The following PRKG1 variants were observed in gnomAD, a reference collection of about 807,000 sequenced individuals.
PRKG1 encodes the protein protein kinase cGMP-dependent 1, also known as cGMP-dependent protein kinase 1.
Under a neutral mutation model 88.1 loss-of-function variants are expected in PRKG1, and 35 were observed. The ratio of observed to expected loss-of-function variants is 0.40; its 90% CI spans 0.30 to 0.53. The LOEUF (loss-of-function observed/expected upper bound fraction) is 0.53, where lower values mean the gene tolerates loss of function less well. Among genes scored for constraint, PRKG1 ranks in the 20% least tolerant of loss-of-function variants. The pLI is 0.59. For missense variants in PRKG1, 540 were observed against 839.8 expected (o/e 0.64, Z 4.41); for synonymous variants, 303 against 292.5 (o/e 1.04, Z -0.37).
At chr10:51,568,915 T>C (rs893273705) in intron 3 of PRKG1, 1 of 152,008 alleles carries the variant, frequency 6.6e-6, no homozygotes, top group Non-Finnish European at 1.5e-5. Context: ...TAGTAAGAAG[T>C]GGTGGCTATG....
chr10:51,746,016 T>C (rs1366317319), intron 3 of PRKG1, among the ~76,000 whole-genome samples: 1 of 152,166 alleles, frequency 6.6e-6, no homozygotes, highest in African/African-American at 2.4e-5. Flanking sequence ...TCTAGTTTTT[T>C]GTTTGCTTTT....
intron 7 of PRKG1, among the ~76,000 whole-genome samples, chr10:52,095,630 G>A (rs753568510): frequency 1.4e-4 from 21 of 152,228 alleles, no homozygotes; most frequent in South Asian, 6.2e-4. Flanking sequence ...ACAATATTAA[G>A]TGAATTTATG....
intron 9 of PRKG1, among the ~76,000 whole-genome samples, chr10:52,177,939 A>G (rs1838909099): frequency 6.6e-6 from 1 of 150,722 alleles, no homozygotes; most frequent in Admixed American, 6.6e-5. Flanking sequence ...TCAAAAAAAC[A>G]ACTTTTTGTT....
intron 9 of PRKG1, among the ~76,000 whole-genome samples, chr10:52,166,749 G>A (rs73344953): frequency 0.047 from 6,306 of 135,514 alleles, 541 homozygotes; most frequent in African/African-American, 0.15. Flanking sequence ...ATACTCAGCA[G>A]TTACAGGCAA....
chr10:52,181,077 T>C (rs1389072522), intron 9 of PRKG1, among the ~76,000 whole-genome samples: 1 of 152,176 alleles, frequency 6.6e-6, no homozygotes, highest in African/African-American at 2.4e-5. Context: ...AGACTTGGGA[T>C]GTGGGTGCAC....
intron 2 of PRKG1, among the ~76,000 whole-genome samples, chr10:51,432,988 T>C (rs180771138): frequency 2.5e-3 from 379 of 152,160 alleles, no homozygotes; most frequent in African/African-American, 8.6e-3. Flanking sequence ...AGAAGATAAA[T>C]CCTCCTCTTT....
At chr10:51,125,992 TA>T (rs1845389479) in intron 1 of PRKG1, among the ~76,000 whole-genome samples, 1 of 125,910 alleles carries the variant, frequency 7.9e-6, no homozygotes. Context: ...TATAATTATA[TA>T]AATGATATAA....
At chr10:51,987,593 A>C (rs1176919127) in intron 5 of PRKG1, among the ~76,000 whole-genome samples, 1 of 152,010 alleles carries the variant, frequency 6.6e-6, no homozygotes, top group African/African-American at 2.4e-5. Flanking sequence ...CTTAGCCACT[A>C]TGGGCTTCAG....
chr10:52,217,352 C>CTATCTATA (rs1554818276), intron 9 of PRKG1, among the ~76,000 whole-genome samples: 2 of 149,950 alleles, frequency 1.3e-5, no homozygotes, highest in Non-Finnish European at 3.0e-5. Flanking sequence ...ATCTATCTAT[C>CTATCTATA]TATATATATA....
At chr10:51,480,869 G>A (rs1840335938) in intron 3 of PRKG1, among the ~76,000 whole-genome samples, 1 of 152,018 alleles carries the variant, frequency 6.6e-6, no homozygotes, top group Non-Finnish European at 1.5e-5. Flanking sequence ...GATACGTTAA[G>A]AAATATAAAC....
rs1309660928 is a variant in PRKG1, at chr10:51,249,451, G to A, written c.478+96121G>A. 4.6e-5 allele frequency among the ~76,000 whole-genome samples: 7 copies of A among 151,890 alleles called. No homozygotes were observed. The South Asian group carries it at 8.3e-4, about 18-fold the overall frequency. On this transcript the variant is annotated intron_variant, in intron 2 of 17. Coordinates refer to ENST00000373980, the MANE Select transcript of PRKG1 (RefSeq NM_006258.4). ...TGGAAACTGTCATTTCTTATTTGCT[G>A]TTTATAAATGGCTGTATATGTTGTT...
chr10:51,532,731 C>A (rs985434578), intron 3 of PRKG1, among the ~76,000 whole-genome samples: 1 of 152,138 alleles, frequency 6.6e-6, no homozygotes, highest in South Asian at 2.1e-4. Flanking sequence ...AGCTCTTTGA[C>A]CCCTGAGGAT....
intron 9 of PRKG1, among the ~76,000 whole-genome samples, chr10:52,196,472 A>T (rs752557890): frequency 6.6e-6 from 1 of 152,204 alleles, no homozygotes; most frequent in Non-Finnish European, 1.5e-5. Context: ...AAATGGAGCA[A>T]GTTGGAAAGG....
chr10:51,301,650 A>G (rs1840890527), intron 2 of PRKG1, among the ~76,000 whole-genome samples: 1 of 152,214 alleles, frequency 6.6e-6, no homozygotes, highest in Non-Finnish European at 1.5e-5. Context: ...CAGGAGAGCC[A>G]GGCGAGGGAT....
intron 5 of PRKG1, among the ~76,000 whole-genome samples, chr10:51,950,950 G>A (rs1843168904): frequency 1.3e-5 from 2 of 152,248 alleles, no homozygotes; most frequent in Non-Finnish European, 2.9e-5. Context: ...CCCAATGGTG[G>A]GAAAGTCCCC....
chr10:51,712,093 CAT>C (rs148417327), intron 3 of PRKG1, among the ~76,000 whole-genome samples: 4,048 of 152,166 alleles, frequency 0.027, 157 homozygotes, highest in African/African-American at 0.091. Context: ...AACTGGCAAA[CAT>C]GTGTAATTTT....
chr10:51,578,068 A>T (rs1409477982), intron 3 of PRKG1, among the ~76,000 whole-genome samples: 1 of 152,106 alleles, frequency 6.6e-6, no homozygotes, highest in Admixed American at 6.6e-5. Flanking sequence ...TGTAAGTTGT[A>T]GTCTATTAAA....
intron 3 of PRKG1, among the ~76,000 whole-genome samples, chr10:51,535,558 T>C (rs10997954): frequency 0.35 from 53,459 of 152,012 alleles, 11,041 homozygotes; most frequent in Non-Finnish European, 0.48. Flanking sequence ...AAGAAAGTCG[T>C]TTTATCTTTT....
chr10:51,207,813 C>A (rs1038873669), intron 2 of PRKG1, among the ~76,000 whole-genome samples: 1 of 152,154 alleles, frequency 6.6e-6, no homozygotes, highest in Non-Finnish European at 1.5e-5. Context: ...TGGTTGTTTT[C>A]AGTACTGTCT....
Sources: gnomAD v4.1 joint callset for allele counts (sites outside exome capture counted in the v4.1 genomes callset) on GRCh38, gnomAD v4.1.1 for gene constraint, MANE v1.5 for transcripts, NCBI Gene and HGNC (gene_info 2026-07-23, HGNC 2026-07-21) for gene names.